Variants in ACTR3C observed in about 807,000 individuals in gnomAD.
The protein encoded by ACTR3C is actin related protein 3C, also known as actin-related protein 3C.
Under a neutral mutation model 26.3 loss-of-function variants are expected in ACTR3C, and 18 were observed. That is an observed-to-expected ratio of 0.68 (90% CI 0.47 to 1.01). ACTR3C has a LOEUF of 1.01. ACTR3C is among the 50% of genes least tolerant of loss of function. The pLI is 0.00. For synonymous variants in ACTR3C, 55 were observed against 94.5 expected (o/e 0.58, Z 2.42); for missense variants, 184 against 250.7 (o/e 0.73, Z 1.80).
chr7:149,981,449 T>C, the ACTR3C span, among the ~76,000 whole-genome samples: 1 of 151,042 alleles, frequency 6.6e-6, no homozygotes, highest in East Asian at 1.9e-4. Context: ...CCTAGTCTGA[T>C]GATTCTGTTC....
At chr7:149,966,746 T>C in the ACTR3C span, among the ~76,000 whole-genome samples, 1 of 152,220 alleles carries the variant, frequency 6.6e-6, no homozygotes, top group Non-Finnish European at 1.5e-5. Flanking sequence ...GACACATCCC[T>C]GCCAACAGCT....
At chr7:149,969,872 C>T in the ACTR3C span, among the ~76,000 whole-genome samples, 1 of 152,112 alleles carries the variant, frequency 6.6e-6, no homozygotes, top group Admixed American at 6.5e-5. Flanking sequence ...AGAGGGGATA[C>T]AGCTGACTGA....
chr7:150,058,243 G>C, the ACTR3C span, among the ~76,000 whole-genome samples: 2 of 152,182 alleles, frequency 1.3e-5, no homozygotes, highest in African/African-American at 4.8e-5. Flanking sequence ...GATAAGACCG[G>C]AAGGTTTTTG....
the ACTR3C span, among the ~76,000 whole-genome samples, chr7:150,039,000 G>GA: frequency 7.4e-5 from 3 of 40,276 alleles, 1 homozygote; most frequent in African/African-American, 2.7e-4. Flanking sequence ...CCTCAGAGCC[G>GA]GGGGGCGGGG....
the ACTR3C span, among the ~76,000 whole-genome samples, chr7:149,974,701 T>C: frequency 2.6e-5 from 4 of 152,160 alleles, no homozygotes; most frequent in African/African-American, 7.2e-5. Context: ...AACTTTCACA[T>C]AGGTCTGGAG....
chr7:150,280,361 C>A (rs1008704451), intron 6 of ACTR3C, among the ~76,000 whole-genome samples: 1 of 152,164 alleles, frequency 6.6e-6, no homozygotes, highest in Non-Finnish European at 1.5e-5. Context: ...TGTGTAAATA[C>A]CCTTCTCATC....
intron 1 of ACTR3C, among the ~76,000 whole-genome samples, chr7:150,299,946 G>A (rs764883850): frequency 4.6e-5 from 7 of 151,264 alleles, no homozygotes; most frequent in Non-Finnish European, 8.8e-5. Context: ...TGGCTAATAG[G>A]GCACAAATAG....
At chr7:150,048,788 G>A in the ACTR3C span, among the ~76,000 whole-genome samples, 2 of 152,122 alleles carry the variant, frequency 1.3e-5, no homozygotes, top group African/African-American at 2.4e-5. Context: ...GGGGTGGTCG[G>A]ACGACGCTGG....
At chr7:149,927,403 C>A in the ACTR3C span, among the ~76,000 whole-genome samples, 1 of 140,232 alleles carries the variant, frequency 7.1e-6, no homozygotes. Context: ...TGTAACAATG[C>A]ATCTCACAAT....
the ACTR3C span, among the ~76,000 whole-genome samples, chr7:149,939,558 G>A: frequency 1.4e-5 from 2 of 140,660 alleles, no homozygotes; most frequent in Admixed American, 1.5e-4. Context: ...TTCCTCTGAA[G>A]TCTCTGCCAG....
chr7:149,909,678 G>A, the ACTR3C span: 1 of 459,766 alleles, frequency 2.2e-6, no homozygotes, highest in South Asian at 3.6e-5. Flanking sequence ...GGGGCTCAGT[G>A]TTGCCTGCGT....
chr7:150,006,475 G>A, the ACTR3C span, among the ~76,000 whole-genome samples: 5 of 149,494 alleles, frequency 3.3e-5, no homozygotes, highest in Non-Finnish European at 7.4e-5. Context: ...GGGATTACAG[G>A]CATGAGCCAC....
the ACTR3C span, among the ~76,000 whole-genome samples, chr7:149,913,444 G>A: frequency 6.6e-6 from 1 of 152,002 alleles, no homozygotes; most frequent in African/African-American, 2.4e-5. Flanking sequence ...TCCTCAAAAT[G>A]TTTACCTATT....
At chr7:150,152,351 C>G in the ACTR3C span, among the ~76,000 whole-genome samples, 5 of 151,798 alleles carry the variant, frequency 3.3e-5, no homozygotes, top group East Asian at 1.9e-4. Flanking sequence ...TAGCATGAAG[C>G]GTTGTTGAAT....
At chr7:150,041,829 C>A in the ACTR3C span, among the ~76,000 whole-genome samples, 230 of 141,222 alleles carry the variant, frequency 1.6e-3, no homozygotes, top group African/African-American at 6.0e-3. Flanking sequence ...TACTAAGAGC[C>A]AGGGGTGGAA....
the ACTR3C span, among the ~76,000 whole-genome samples, chr7:150,168,957 A>G: frequency 6.6e-6 from 1 of 150,806 alleles, no homozygotes; most frequent in Admixed American, 6.6e-5. Flanking sequence ...TGCATCCCCG[A>G]AACCTGCCTA....
At chr7:150,185,785 C>T in the ACTR3C span, among the ~76,000 whole-genome samples, 1 of 152,034 alleles carries the variant, frequency 6.6e-6, no homozygotes, top group African/African-American at 2.4e-5. Context: ...AAGAAGAGAA[C>T]AGAGTGTAAG....
At chr7:150,042,512 C>T in the ACTR3C span, among the ~76,000 whole-genome samples, 79 of 149,408 alleles carry the variant, frequency 5.3e-4, 1 homozygote, top group African/African-American at 1.9e-3. Context: ...ATTGCCTCGC[C>T]CCCTGCGATA....
the ACTR3C span, among the ~76,000 whole-genome samples, chr7:149,929,331 A>C: frequency 1.3e-5 from 2 of 149,532 alleles, no homozygotes; most frequent in Admixed American, 1.3e-4. Flanking sequence ...ATGAGGCTGA[A>C]GCAGGAGAAT....
Sources: gnomAD v4.1 joint callset for allele counts (sites outside exome capture counted in the v4.1 genomes callset) on GRCh38, gnomAD v4.1.1 for gene constraint, MANE v1.5 for transcripts, NCBI Gene and HGNC (gene_info 2026-07-23, HGNC 2026-07-21) for gene names.